Variants in SORL1 observed in about 807,000 individuals in gnomAD.
The protein encoded by SORL1 is sortilin related receptor 1.
Under a neutral mutation model 273.7 loss-of-function variants are expected in SORL1, and 127 were observed. The observed-to-expected ratio is 0.46, with a 90% confidence interval of 0.40 to 0.54. SORL1 has a LOEUF of 0.54. SORL1 is among the 20% of genes least tolerant of loss of function. The pLI is 0.00. For synonymous variants in SORL1, 1,031 were observed against 1,067.4 expected (o/e 0.97, Z 0.66); for missense variants, 2,494 against 2,846.1 (o/e 0.88, Z 2.81).
At chr11:121,520,897 C>T in intron 9 of SORL1, 48 bp downstream of exon 9, 1 of 1,367,752 alleles carries the variant, frequency 7.3e-7, no homozygotes, top group Non-Finnish European at 9.9e-7. Context: ...AAGGAAAGAG[C>T]CCTGCTCTGT....
chr11:121,510,953 T>C (rs1337942539), intron 6 of SORL1, among the ~76,000 whole-genome samples: 1 of 152,142 alleles, frequency 6.6e-6, no homozygotes, highest in East Asian at 1.9e-4. Context: ...TTTTTAATAA[T>C]AGTGATAAAA....
intron 2 of SORL1, among the ~76,000 whole-genome samples, chr11:121,472,618 T>C (rs574737007): frequency 6.6e-6 from 1 of 152,312 alleles, no homozygotes; most frequent in East Asian, 1.9e-4. Context: ...TGCCAGTCTA[T>C]TGAAACCCAA....
intron 25 of SORL1, among the ~76,000 whole-genome samples, chr11:121,581,202 C>T (rs540272516): frequency 6.6e-6 from 1 of 152,304 alleles, no homozygotes; most frequent in African/African-American, 2.4e-5. Flanking sequence ...TATGAGCTAC[C>T]ACGCCTCATG....
At chr11:121,488,409 G>A (rs879321756) in intron 4 of SORL1, among the ~76,000 whole-genome samples, 1 of 152,162 alleles carries the variant, frequency 6.6e-6, no homozygotes, top group Non-Finnish European at 1.5e-5. Context: ...TCAGCACCCA[G>A]CACTTGGCAG....
intron 31 of SORL1, among the ~76,000 whole-genome samples, chr11:121,594,223 A>G (rs532451533): frequency 6.6e-6 from 1 of 152,040 alleles, no homozygotes; most frequent in South Asian, 2.1e-4. Flanking sequence ...TTGCTCTGAG[A>G]CCCTTTCCAT....
At chr11:121,499,694 A>G (rs1861684463) in intron 6 of SORL1, among the ~76,000 whole-genome samples, 2 of 152,234 alleles carry the variant, frequency 1.3e-5, no homozygotes, top group Admixed American at 1.3e-4. Flanking sequence ...GGCCTCGGTC[A>G]GATAATCCCC....
rs141736656 is a variant in SORL1, at chr11:121,567,932, G to A, written c.3223+819G>A. Among the ~76,000 whole-genome samples, 299 of 152,228 alleles carry A rather than the reference G, an allele frequency of 2.0e-3. 2 individuals are homozygous for A. The highest frequency in any genetic ancestry group is 6.9e-3 in the African/African-American group (287 of 41,528). On this transcript the variant is annotated intron_variant, in intron 22 of 47. Transcript: ENST00000260197. Reference sequence around the variant, plus strand: ...TTTAAAGAGACAAGAAAGAGACAGGGTCTTGCTGTATTGCCCAGGCTGGCA... The same window carrying A: ...TTTAAAGAGACAAGAAAGAGACAGGATCTTGCTGTATTGCCCAGGCTGGCA...
In SORL1 at chr11:121,583,564, T is replaced by C; in HGVS notation, c.3687T>C (p.Asp1229=). The part of the protein sequence containing the change: ...DGDTDCQDGS[D]EDPVNCEKKC... ...ATACGGACTGCCAGGATGGTTCCGA[T>C]GAGGATCCAGTCAACTGTGGTAAAT... is the stretch of plus-strand genomic sequence containing the variant. The change falls in exon 26 of 48, where the codon GAT becomes GAC. Residue 1229 remains aspartate, a synonymous_variant. Transcript: ENST00000260197. The C allele has an allele frequency of 6.2e-7, 1 of 1,611,046 alleles. No individual in the cohort carries two copies. The highest frequency in any genetic ancestry group is 8.5e-7 in the Non-Finnish European group (1 of 1,178,646).
At chr11:121,539,205 A>G (rs3933404) in intron 12 of SORL1, among the ~76,000 whole-genome samples, 64,315 of 152,022 alleles carry the variant, frequency 0.42, 13,920 homozygotes, top group Middle Eastern at 0.53. Context: ...TCTTCATGAA[A>G]AAAAGAATGT....
chr11:121,571,516 A>G lies in SORL1; in HGVS notation c.3337+1246A>G, dbSNP rs149474657. ...GGAGAGAGACCAGAAGCAGGAACCA[A>G]GTCAGAGGCTTCTCTTTTATATATT... On this transcript the variant is annotated intron_variant, in intron 23 of 47. Coordinates refer to ENST00000260197, the MANE Select transcript of SORL1 (RefSeq NM_003105.6). 2.0e-3 allele frequency among the ~76,000 whole-genome samples: 302 copies of G among 152,384 alleles called. 2 individuals are homozygous for G. Among genetic ancestry groups the G allele is most frequent in the African/African-American group, 7.0e-3 (290 of 41,590 alleles).
chr11:121,564,293 A>G (rs2134917578), intron 21 of SORL1, among the ~76,000 whole-genome samples: 1 of 152,286 alleles, frequency 6.6e-6, no homozygotes, highest in Non-Finnish European at 1.5e-5. Flanking sequence ...ACTAGCCTAG[A>G]CATTCCTGCC....
chr11:121,532,085 C>A (rs1368872462), intron 11 of SORL1, among the ~76,000 whole-genome samples: 2 of 152,168 alleles, frequency 1.3e-5, no homozygotes, highest in African/African-American at 4.8e-5. Context: ...GAAGGATGGG[C>A]TATAGAGGGC....
At chr11:121,536,286 G>A (rs573734741) in intron 12 of SORL1, among the ~76,000 whole-genome samples, 35 of 152,258 alleles carry the variant, frequency 2.3e-4, no homozygotes, top group Admixed American at 2.1e-3. Context: ...TCCAGAATGT[G>A]GGAGGCAGTG....
At position 121,532,612 on chromosome 11, in the gene SORL1, G is replaced by A; in HGVS notation, c.1685+60G>A. Reference sequence around the variant, plus strand: ...CTTTCTCCCAGAAATTTACGTCTGTGATTATAATTGGATTATCTCTCTATA... The same window carrying A: ...CTTTCTCCCAGAAATTTACGTCTGTAATTATAATTGGATTATCTCTCTATA... On this transcript the variant is annotated intron_variant, in intron 12 of 47. Transcript: ENST00000260197. 3 of 1,366,352 alleles carry A rather than the reference G, an allele frequency of 2.2e-6. No homozygotes were observed. The South Asian group carries it at 3.6e-5, about 16-fold the overall frequency. 84.6% of individuals were successfully genotyped at this position (1,366,352 alleles called of 1,614,324 possible). A position where few individuals can be genotyped will look rare whatever the true frequency, so the allele number is the denominator to read the frequency against.
chr11:121,537,776 G>T (rs1397422304), intron 12 of SORL1, among the ~76,000 whole-genome samples: 1 of 152,214 alleles, frequency 6.6e-6, no homozygotes, highest in South Asian at 2.1e-4. Context: ...GTGAATTAAA[G>T]TTCTCTGGTA....
chr11:121,506,187 T>C (rs1226037572), intron 6 of SORL1, among the ~76,000 whole-genome samples: 1 of 152,222 alleles, frequency 6.6e-6, no homozygotes, highest in Non-Finnish European at 1.5e-5. Flanking sequence ...CTTTTATCAT[T>C]ATTAAATGTC....
chr11:121,539,632 A>G (rs1418323402), intron 12 of SORL1, among the ~76,000 whole-genome samples: 2 of 151,970 alleles, frequency 1.3e-5, no homozygotes, highest in African/African-American at 4.8e-5. Context: ...TTTTAGACCC[A>G]GCTTTACTAC....
At chr11:121,519,447 G>C (rs576592417) in intron 8 of SORL1, among the ~76,000 whole-genome samples, 2 of 148,166 alleles carry the variant, frequency 1.3e-5, no homozygotes, top group Middle Eastern at 3.5e-3. Flanking sequence ...TCGCTCTGTC[G>C]CCCAGGCTGG....
rs528532069 is a variant in SORL1, at chr11:121,568,341, G to A, written c.3223+1228G>A. ...TTAGAAACAAGAGACTTTCTTTCAG[G>A]CTATGGATACAATCTTAAAACTGTT... On this transcript the variant is annotated intron_variant, in intron 22 of 47. Coordinates refer to ENST00000260197, the MANE Select transcript of SORL1 (RefSeq NM_003105.6). Among the ~76,000 whole-genome samples the A allele has an allele frequency of 1.4e-4, 22 of 152,272 alleles. 1 individual carries two copies. In the South Asian group the frequency reaches 4.1e-3, roughly 29 times the overall value.
Sources: allele counts gnomAD v4.1 joint callset (sites outside exome capture counted in the v4.1 genomes callset), GRCh38; gene constraint gnomAD v4.1.1; transcripts MANE v1.5; gene names NCBI Gene and HGNC (gene_info 2026-07-23, HGNC 2026-07-21).